TNIP1: variants seen among roughly 807,000 people sequenced by gnomAD.
TNIP1 encodes the protein TNFAIP3-interacting protein 1.
TNIP1 carries 22 observed loss-of-function variants against 86.6 expected under a neutral mutation model. That is an observed-to-expected ratio of 0.25 (90% CI 0.18 to 0.36). The LOEUF is 0.36. Ranked by LOEUF, TNIP1 falls within the 10% of genes least tolerant of loss-of-function variation. TNIP1 has a pLI of 1.00. For synonymous variants in TNIP1, 294 were observed against 313.0 expected (o/e 0.94, Z 0.64); for missense variants, 709 against 820.6 (o/e 0.86, Z 1.66).
At chr5:151,081,422 A>C (rs966897505), upstream of TNIP1, among the ~76,000 whole-genome samples, 19 of 152,018 alleles carry the variant, frequency 1.2e-4, no homozygotes, top group African/African-American at 3.1e-4. Flanking sequence ...GACCTGCCAA[A>C]AGGCACGTAA....
intron 1 of TNIP1, chr5:151,079,928 G>A (rs1167508789): frequency 3.9e-5 from 6 of 152,034 alleles, no homozygotes; most frequent in Admixed American, 6.6e-5. Flanking sequence ...CATTTTGACC[G>A]TACTGTGAGA....
In TNIP1 at chr5:151,030,743, A is replaced by C; in HGVS notation, c.1881T>G (p.Ser627=). The C allele has an allele frequency of 6.2e-7, 1 of 1,610,318 alleles. No individual in the cohort carries two copies. The highest frequency in any genetic ancestry group is 8.5e-7 in the Non-Finnish European group (1 of 1,178,768). The change falls in exon 18 of 18, where the codon TCT becomes TCG. Residue 627 remains serine (S), a synonymous_variant. Transcript: ENST00000521591. The part of the protein sequence containing the change: ...PPTARPTEPE[S]PKNDREGPQ ...GAGGCCCCTCACGGTCATTTTTTGG[A>C]GACTCTAAATAAACAAAAATTTTGA...
chr5:151,032,084 T>G, intron 17 of TNIP1: 1 of 580,808 alleles, frequency 1.7e-6, no homozygotes. Context: ...ATGCCTGGCA[T>G]TAGATAATGC....
chr5:151,059,812 AGAGAGAGAGAGAGAGAGTGTGT>A (rs1278002326), intron 5 of TNIP1, among the ~76,000 whole-genome samples: 97 of 115,882 alleles, frequency 8.4e-4, no homozygotes, highest in African/African-American at 3.8e-3. Flanking sequence ...AGAGAGAGAG[AGAGAGAGAGAGAGAGAGTGTGT>A]GTGTGTGTGT....
intron 2 of TNIP1, 76 bp downstream of exon 2, chr5:151,064,884 C>G: frequency 1.3e-6 from 2 of 1,597,550 alleles, no homozygotes. Context: ...GCTTCATTCT[C>G]CACTGCTAGT....
chr5:151,041,420 G>C (rs940988030), intron 11 of TNIP1, among the ~76,000 whole-genome samples: 1 of 152,110 alleles, frequency 6.6e-6, no homozygotes, highest in African/African-American at 2.4e-5. Flanking sequence ...GTCCAGTCTG[G>C]AGTGCAGTGG....
chr5:151,041,095 G>A (rs564518840), intron 11 of TNIP1, among the ~76,000 whole-genome samples: 2 of 146,258 alleles, frequency 1.4e-5, no homozygotes, highest in Admixed American at 1.4e-4. Flanking sequence ...TTTTGAGACA[G>A]GGTCTCATTC....
intron 1 of TNIP1, among the ~76,000 whole-genome samples, chr5:151,072,605 G>T (rs76956878): frequency 0.016 from 2,457 of 152,316 alleles, 77 homozygotes; most frequent in African/African-American, 0.056. Flanking sequence ...CAGCATGACA[G>T]CCAGCCCTGA....
chr5:151,057,756 A>AT (rs1260139264), intron 5 of TNIP1, among the ~76,000 whole-genome samples: 1 of 152,180 alleles, frequency 6.6e-6, no homozygotes, highest in Admixed American at 6.5e-5. Flanking sequence ...CATGTACAGA[A>AT]TTTTTTTCTT....
intron 1 of TNIP1, among the ~76,000 whole-genome samples, chr5:151,079,818 T>A (rs556804654): frequency 2.0e-5 from 3 of 152,300 alleles, no homozygotes; most frequent in African/African-American, 7.2e-5. Flanking sequence ...AGGATTTTTT[T>A]AAAACATTCT....
intron 6 of TNIP1, among the ~76,000 whole-genome samples, chr5:151,056,267 T>C (rs888249799): frequency 2.6e-5 from 4 of 152,228 alleles, no homozygotes; most frequent in South Asian, 2.1e-4. Context: ...AGGAATTCAA[T>C]AGGGGAGGCA....
chr5:151,047,717 T>A (rs1436423698), intron 8 of TNIP1, among the ~76,000 whole-genome samples: 1 of 151,406 alleles, frequency 6.6e-6, no homozygotes, highest in Non-Finnish European at 1.5e-5. Flanking sequence ...AAAAAAAAAA[T>A]AGCAAGTGCT....
rs759915531 is a variant in TNIP1 at position 151,056,945 on chromosome 5, G to C, written c.448C>G (p.Leu150Val). The C allele has an allele frequency of 6.5e-7, 1 of 1,527,828 alleles. No homozygotes were observed. The highest frequency in any genetic ancestry group is 1.2e-5 in the South Asian group (1 of 82,726). 94.6% of individuals were successfully genotyped at this position (1,527,828 alleles called of 1,614,324 possible). The change falls in exon 6 of 18, where the codon CTG becomes GTG. Residue 150 changes from leucine to valine, a missense_variant. Coordinates refer to ENST00000521591, the MANE Select transcript of TNIP1 (RefSeq NM_006058.5). Reference protein sequence around the residue: ...SHANAMALGPLPREDGNLMLH... With the variant: ...SHANAMALGPVPREDGNLMLH... ...ATCAGGTTGCCGTCCTCACGGGGCAGGGGGCCCAGCGCCTGGAGAGGGAAA... is the reference window on the plus strand; with the variant it reads ...ATCAGGTTGCCGTCCTCACGGGGCACGGGGCCCAGCGCCTGGAGAGGGAAA...
intron 8 of TNIP1, 122 bp from the exon 9 acceptor site, chr5:151,046,072 C>T (rs1438545877): frequency 3.8e-6 from 3 of 797,074 alleles, no homozygotes; most frequent in African/African-American, 1.7e-5. Context: ...CTATTCCTCC[C>T]ACCCAGCAGG....
chr5:151,082,254 C>G (rs781145202), upstream of TNIP1, among the ~76,000 whole-genome samples: 2 of 152,160 alleles, frequency 1.3e-5, no homozygotes, highest in Non-Finnish European at 2.9e-5. Flanking sequence ...TCAGTTAATT[C>G]AACGGTGTTA....
chr5:151,079,299 T>C (rs1313971596), intron 1 of TNIP1, among the ~76,000 whole-genome samples: 1 of 152,184 alleles, frequency 6.6e-6, no homozygotes, highest in African/African-American at 2.4e-5. Context: ...TGGGCCTCAG[T>C]TTCCTCATCT....
intron 11 of TNIP1, among the ~76,000 whole-genome samples, chr5:151,041,336 G>A (rs1758391685): frequency 6.6e-6 from 1 of 152,120 alleles, no homozygotes; most frequent in Non-Finnish European, 1.5e-5. Flanking sequence ...CTCCCAAAAT[G>A]CTGTGTTTAC....
chr5:151,085,235 A>G (rs1378700020), upstream of TNIP1, among the ~76,000 whole-genome samples: 1 of 152,206 alleles, frequency 6.6e-6, no homozygotes, highest in African/African-American at 2.4e-5. Context: ...TGGTTTCTTT[A>G]TCAATGACAT....
rs74440650 is a variant in TNIP1 at position 151,079,257 on chromosome 5, G to A, written c.-37+1623C>T. Among the ~76,000 whole-genome samples the A allele has an allele frequency of 1.7e-4, 26 of 152,306 alleles. No homozygotes were observed. In the East Asian group the frequency reaches 4.2e-3, roughly 25 times the overall value. On this transcript the variant is annotated intron_variant, in intron 1 of 17. Transcript: ENST00000521591. ...AGGGAACAGGGTCCAGGATTCAAGC[G>A]TTGCTAGTCTTGGGAAAGCCTTAAC... is the stretch of plus-strand genomic sequence containing the variant.
Sources: gnomAD v4.1 joint callset for allele counts (sites outside exome capture counted in the v4.1 genomes callset) on GRCh38, gnomAD v4.1.1 for gene constraint, MANE v1.5 for transcripts, NCBI Gene and HGNC (gene_info 2026-07-23, HGNC 2026-07-21) for gene names.